The following SPTLC3 variants were observed in gnomAD, a reference collection of about 807,000 sequenced individuals.
The protein encoded by SPTLC3 is serine palmitoyltransferase 3.
SPTLC3 carries 36 observed loss-of-function variants against 59.3 expected under a neutral mutation model. The ratio of observed to expected loss-of-function variants is 0.61; its 90% confidence interval spans 0.47 to 0.80. The LOEUF (loss-of-function observed/expected upper bound fraction) is 0.80. SPTLC3 is among the 30% of genes least tolerant of loss of function. SPTLC3 has a pLI of 0.00. For missense variants in SPTLC3, 625 were observed against 685.1 expected (o/e 0.91, Z 0.98); for synonymous variants, 257 against 240.8 (o/e 1.07, Z -0.62).
intron 1 of SPTLC3, among the ~76,000 whole-genome samples, chr20:13,015,283 C>G (rs1321048291): frequency 6.6e-6 from 1 of 152,120 alleles, no homozygotes; most frequent in African/African-American, 2.4e-5. Flanking sequence ...AAACCATGAA[C>G]AGCTTAGCAA....
At chr20:13,010,666 T>G (rs181780931) in intron 1 of SPTLC3, among the ~76,000 whole-genome samples, 10 of 152,240 alleles carry the variant, frequency 6.6e-5, no homozygotes, top group African/African-American at 2.2e-4. Context: ...TATCCACCAC[T>G]TATGCATCAC....
chr20:13,161,662 T>C (rs764389567), intron 11 of SPTLC3, among the ~76,000 whole-genome samples: 2 of 152,208 alleles, frequency 1.3e-5, no homozygotes, highest in Non-Finnish European at 2.9e-5. Context: ...GCAGGAAGTT[T>C]AAATGCAGTG....
intron 8 of SPTLC3, among the ~76,000 whole-genome samples, chr20:13,121,110 C>A (rs1229858015): frequency 6.6e-6 from 1 of 152,180 alleles, no homozygotes; most frequent in Non-Finnish European, 1.5e-5. Flanking sequence ...GTGGTCAATG[C>A]CGAAGACCCC....
At chr20:13,090,136 T>G (rs1241045674) in intron 4 of SPTLC3, among the ~76,000 whole-genome samples, 1 of 152,200 alleles carries the variant, frequency 6.6e-6, no homozygotes, top group Admixed American at 6.5e-5. Context: ...GCATCAACAT[T>G]TGCTGTAGCA....
intron 4 of SPTLC3, among the ~76,000 whole-genome samples, chr20:13,089,251 G>A (rs540197734): frequency 5.3e-5 from 8 of 152,210 alleles, no homozygotes; most frequent in South Asian, 2.1e-4. Flanking sequence ...TTAAATCTGC[G>A]CAACAGCTCC....
chr20:13,027,321 T>C (rs1256472619), intron 1 of SPTLC3, among the ~76,000 whole-genome samples: 1 of 152,194 alleles, frequency 6.6e-6, no homozygotes, highest in Non-Finnish European at 1.5e-5. Flanking sequence ...AGGATCTCAT[T>C]GTACCCTCAG....
intron 2 of SPTLC3, among the ~76,000 whole-genome samples, chr20:13,056,449 C>CTT (rs1277714015): frequency 3.3e-5 from 2 of 60,944 alleles, no homozygotes; most frequent in African/African-American, 1.3e-4. Context: ...GACGCTTTAA[C>CTT]TTTTTTTCTT....
At chr20:13,037,195 C>T (rs1311967985) in intron 1 of SPTLC3, among the ~76,000 whole-genome samples, 1 of 152,158 alleles carries the variant, frequency 6.6e-6, no homozygotes, top group East Asian at 1.9e-4. Context: ...TCTCAGAAGT[C>T]ACCCAATGGA....
chr20:13,118,293 A>T (rs932873028), intron 8 of SPTLC3, among the ~76,000 whole-genome samples: 1 of 152,098 alleles, frequency 6.6e-6, no homozygotes. Context: ...TCTGCAAAAA[A>T]AATTCTTTCC....
intron 9 of SPTLC3, among the ~76,000 whole-genome samples, chr20:13,134,452 A>G (rs1387889498): frequency 6.6e-6 from 1 of 152,208 alleles, no homozygotes; most frequent in African/African-American, 2.4e-5. Flanking sequence ...CCCAGTCATC[A>G]TTTCATATTT....
rs138723650 is a variant in SPTLC3, at chr20:13,032,843, A to G, written c.118-16102A>G. 8.4e-3 allele frequency among the ~76,000 whole-genome samples: 1,275 copies of G among 152,242 alleles called. 15 individuals carry two copies. Among genetic ancestry groups the G allele is most frequent in the Middle Eastern group, 0.068 (20 of 294 alleles). Reference sequence around the variant, plus strand: ...TGACTTCTCAGGTGGTGAATGGGAAACTCAAGATGATGGGAAATTAAATTA... The same window carrying G: ...TGACTTCTCAGGTGGTGAATGGGAAGCTCAAGATGATGGGAAATTAAATTA... On this transcript the variant is annotated intron_variant, in intron 1 of 11. Transcript: ENST00000399002.
At chr20:13,090,755 AAT>A (rs1308824244) in intron 4 of SPTLC3, among the ~76,000 whole-genome samples, 4 of 152,182 alleles carry the variant, frequency 2.6e-5, no homozygotes, top group Admixed American at 1.3e-4. Flanking sequence ...ATGTAAACGA[AAT>A]GATACAGCCT....
intron 9 of SPTLC3, among the ~76,000 whole-genome samples, chr20:13,137,747 A>T (rs2038282271): frequency 6.6e-6 from 1 of 152,180 alleles, no homozygotes; most frequent in Admixed American, 6.5e-5. Flanking sequence ...AAACGAAGGG[A>T]ATCTCTCTAC....
chr20:13,094,756 G>A (rs1444269751), intron 6 of SPTLC3, among the ~76,000 whole-genome samples: 2 of 152,180 alleles, frequency 1.3e-5, no homozygotes, highest in Non-Finnish European at 2.9e-5. Context: ...ACTGAGTGGG[G>A]TGAGGTCTGG....
At chr20:13,100,823 A>G (rs1989575388) in intron 6 of SPTLC3, among the ~76,000 whole-genome samples, 1 of 152,214 alleles carries the variant, frequency 6.6e-6, no homozygotes, top group African/African-American at 2.4e-5. Context: ...TGACCTGCCT[A>G]AGGTCAGGCA....
chr20:13,065,868 A>T, intron 2 of SPTLC3, among the ~76,000 whole-genome samples: 1 of 70,886 alleles, frequency 1.4e-5, no homozygotes, highest in Non-Finnish European at 3.5e-5. Context: ...ATAACTGTCA[A>T]GCTAATAACA....
intron 4 of SPTLC3, among the ~76,000 whole-genome samples, chr20:13,077,634 A>G (rs545102283): frequency 1.3e-5 from 2 of 152,308 alleles, no homozygotes; most frequent in African/African-American, 4.8e-5. Context: ...TATAAGTCTT[A>G]CTTTACTAAG....
chr20:13,020,458 T>C (rs1347751885), intron 1 of SPTLC3, among the ~76,000 whole-genome samples: 1 of 152,098 alleles, frequency 6.6e-6, no homozygotes, highest in African/African-American at 2.4e-5. Context: ...AGCCCAGTAA[T>C]TCAAGGTTAC....
At chr20:13,054,052 C>A (rs1331944062) in intron 2 of SPTLC3, among the ~76,000 whole-genome samples, 1 of 152,064 alleles carries the variant, frequency 6.6e-6, no homozygotes, top group African/African-American at 2.4e-5. Context: ...AAATTGGGAT[C>A]TAGACGCTGA....
Sources: gnomAD v4.1 joint callset for allele counts (sites outside exome capture counted in the v4.1 genomes callset) on GRCh38, gnomAD v4.1.1 for gene constraint, MANE v1.5 for transcripts, NCBI Gene and HGNC (gene_info 2026-07-23, HGNC 2026-07-21) for gene names.